The following COL6A1 variants were observed in gnomAD, a reference collection of about 807,000 sequenced individuals.
COL6A1 encodes the protein collagen type VI alpha 1 chain, also known as collagen alpha-1(VI) chain.
In COL6A1, 80 loss-of-function variants were observed where a neutral mutation model predicts 145.6. The observed-to-expected ratio is 0.55, with a 90% CI of 0.46 to 0.66. COL6A1 has a LOEUF of 0.66. Among genes scored for constraint, COL6A1 ranks in the 30% least tolerant of loss-of-function variants. The pLI, the probability that COL6A1 is intolerant of heterozygous loss-of-function variation, is 0.00. For missense variants in COL6A1, 1,364 were observed against 1,473.8 expected (o/e 0.93, Z 1.22); for synonymous variants, 638 against 622.8 (o/e 1.02, Z -0.36).
In COL6A1 at chr21:46,003,659, C is replaced by T. The variant is rs144585693; in HGVS notation, c.2733C>T (p.Asn911=). ...CCGTCGATGCCATGGACTTTATCAA[C>T]GACGCCACCGACGTCAACGATGCCC... ...ASAVDAMDFI[N]DATDVNDALG... Residue 911 remains asparagine, a synonymous_variant, in exon 35 of 35, where the codon AAC becomes AAT. Coordinates refer to ENST00000361866, the MANE Select transcript of COL6A1 (RefSeq NM_001848.3). 3.4e-5 allele frequency: 55 copies of T among 1,613,066 alleles called. No individual in the cohort carries two copies. The African/African-American group carries it at 5.2e-4, about 15-fold the overall frequency.
chr21:45,996,842 G>A (rs928666627), intron 20 of COL6A1, among the ~76,000 whole-genome samples: 3 of 152,218 alleles, frequency 2.0e-5, no homozygotes, highest in African/African-American at 7.2e-5. Context: ...TGAGATGTGG[G>A]GGACCCAAGG....
chr21:46,003,223 G>C, intron 34 of COL6A1, 74 bp downstream of exon 34: 1 of 1,609,612 alleles, frequency 6.2e-7, no homozygotes, highest in Admixed American at 1.7e-5. Flanking sequence ...AGAGGACGGG[G>C]CTCTGGGAGG....
chr21:45,982,069 C>T, intron 1 of COL6A1, 122 bp downstream of exon 1: 1 of 830,586 alleles, frequency 1.2e-6, no homozygotes, highest in Non-Finnish European at 2.0e-6. Context: ...GCCCCTGAAC[C>T]CCACTCCCCG....
At chr21:45,986,356 T>C (rs1603589909) in intron 3 of COL6A1, among the ~76,000 whole-genome samples, 170 bp from the exon 4 acceptor site, 1 of 152,236 alleles carries the variant, frequency 6.6e-6, no homozygotes, top group East Asian at 1.9e-4. Context: ...CCACAGGCGT[T>C]ATTTCCCATG....
chr21:46,002,002 C>A lies in COL6A1; in HGVS notation c.1998C>A (p.Ser666Arg), dbSNP rs770791922. 1.2e-6 allele frequency: 2 copies of A among 1,612,750 alleles called. No homozygotes were observed. Among genetic ancestry groups the A allele is most frequent in the Non-Finnish European group, 1.7e-6 (2 of 1,179,896 alleles). The change falls in exon 31 of 35, where the codon AGC (serine) becomes AGA (arginine). Residue 666 changes from serine (S) to arginine (R), a missense_variant. Around this residue, in one of 3 missense-constraint regions of COL6A1, gnomAD observed 938 missense variants for 1,003.8 expected, o/e 0.93. Transcript: ENST00000361866. The part of the protein sequence containing the change: ...GQSYAGVVQY[S>R]HSQMQEHVSL... ...CGTACGCGGGTGTGGTGCAGTACAG[C>A]CACAGCCAGATGCAGGAGCACGTGA...
chr21:46,000,227 C>T, intron 27 of COL6A1, 104 bp from the exon 28 acceptor site: 1 of 1,375,788 alleles, frequency 7.3e-7, no homozygotes, highest in Non-Finnish European at 1.0e-6. Flanking sequence ...CCAAACCCCG[C>T]CCTGTGGGGG....
intron 3 of COL6A1, among the ~76,000 whole-genome samples, chr21:45,986,275 C>G (rs527824726): frequency 6.6e-6 from 1 of 152,196 alleles, no homozygotes; most frequent in African/African-American, 2.4e-5. Flanking sequence ...AGGAACCGAG[C>G]CTCCTTTGGG....
At chr21:45,985,287 CAGAG>C (rs976428219) in intron 3 of COL6A1, among the ~76,000 whole-genome samples, 1 of 149,568 alleles carries the variant, frequency 6.7e-6, no homozygotes, top group East Asian at 2.0e-4. Context: ...GGGACAGAGA[CAGAG>C]AGATAGAGAC....
intron 12 of COL6A1, 28 bp from the exon 13 acceptor site, chr21:45,990,350 C>G (rs749814495): frequency 6.3e-7 from 1 of 1,598,534 alleles, no homozygotes; most frequent in Admixed American, 1.7e-5. Flanking sequence ...CTGCATCTGA[C>G]TCCTGCCTTC....
chr21:46,000,619 G>A, intron 28 of COL6A1, 140 bp from the exon 29 acceptor site: 2 of 1,398,780 alleles, frequency 1.4e-6, no homozygotes, highest in Middle Eastern at 2.4e-4. Flanking sequence ...GGGAGGCGGG[G>A]CAGGAGGCCG....
In COL6A1 at chr21:46,003,458, C is replaced by T. The variant is rs750298866; in HGVS notation, c.2532C>T (p.Asn844=). Residue 844 remains asparagine (N), a synonymous_variant, in exon 35 of 35, where the codon AAC becomes AAT. Transcript: ENST00000361866. ...GCTCCGCCAGCGTGGGCAGCCACAA[C>T]TTTGACACCACCAAGCGCTTCGCCA... is the stretch of plus-strand genomic sequence containing the variant. ...LDGSASVGSH[N]FDTTKRFAKR... The T allele has an allele frequency of 6.2e-7, 1 of 1,607,344 alleles. No homozygotes were observed. The highest frequency in any genetic ancestry group is 8.5e-7 in the Non-Finnish European group (1 of 1,179,732).
At chr21:46,000,395 T>A in intron 28 of COL6A1, 28 bp downstream of exon 28, 1 of 1,613,522 alleles carries the variant, frequency 6.2e-7, no homozygotes, top group Non-Finnish European at 8.5e-7. Flanking sequence ...GCCGTCCTCG[T>A]TAGGGAGAGC....
At chr21:45,990,060 G>A (rs7282375) in intron 11 of COL6A1, among the ~76,000 whole-genome samples, 198 bp from the exon 12 acceptor site, 1 of 9,648 alleles carries the variant, frequency 1.0e-4, no homozygotes, top group African/African-American at 3.4e-4. Context: ...TACCCTCTGC[G>A]GAGCCGGGGG....
rs150463888 is a variant in COL6A1, at chr21:45,991,639, G to A, written c.1120-371G>A. ...GACCCCACCCCAAACATTCCCAGAC[G>A]AGCTCCTAGAACCCAGCAGACGGTT... On this transcript the variant is annotated intron_variant, in intron 15 of 34. Transcript: ENST00000361866. 2.8e-3 allele frequency among the ~76,000 whole-genome samples: 429 copies of A among 152,286 alleles called. 2 individuals are homozygous for A. The highest frequency in any genetic ancestry group is 9.3e-3 in the African/African-American group (385 of 41,546).
In COL6A1 at chr21:46,003,495, G is replaced by A. The variant is rs570688674; in HGVS notation, c.2569G>A (p.Glu857Lys). The A allele has an allele frequency of 7.0e-5, 113 of 1,610,804 alleles. No homozygotes were observed. Among genetic ancestry groups the A allele is most frequent in the South Asian group, 3.5e-4 (32 of 91,004 alleles). The change falls in exon 35 of 35, where the codon GAG (glutamate) becomes AAG (lysine). Residue 857 changes from glutamate (E) to lysine (K), a missense_variant. Coordinates refer to ENST00000361866, the MANE Select transcript of COL6A1 (RefSeq NM_001848.3). Reference protein sequence around the residue: ...TTKRFAKRLAERFLTAGRTDP... With the variant: ...TTKRFAKRLAKRFLTAGRTDP... ...CAAGCGCTTCGCCAAGCGCCTGGCC[G>A]AGCGCTTCCTCACAGCGGGCAGGAC... is the stretch of plus-strand genomic sequence containing the variant.
In COL6A1 at chr21:45,998,935, A is replaced by G; in HGVS notation, c.1650A>G (p.Gly550=). 1.9e-6 allele frequency: 3 copies of G among 1,556,000 alleles called. No homozygotes were observed. Among genetic ancestry groups the G allele is most frequent in the Non-Finnish European group, 2.6e-6 (3 of 1,149,262 alleles). The stretch of plus-strand genomic sequence containing the variant: ...ACCCCGGCCTCAAGGGGGACGAGGG[A>G]GAAGCCGGGGACCCCGGAGACGATG... The part of the protein sequence containing the change: ...KGYPGLKGDE[G]EAGDPGDDNN... Residue 550 remains glycine, a synonymous_variant, in exon 25 of 35, where the codon GGA becomes GGG. Coordinates refer to ENST00000361866, the MANE Select transcript of COL6A1 (RefSeq NM_001848.3).
In COL6A1 at chr21:46,002,666, T is replaced by C. The variant is rs2077854135; in HGVS notation, c.2390T>C (p.Leu797Pro). 1.2e-6 allele frequency: 2 copies of C among 1,613,874 alleles called. No individual in the cohort carries two copies. Among genetic ancestry groups the C allele is most frequent in the East Asian group, 2.2e-5 (1 of 44,876 alleles). Residue 797 changes from leucine to proline, a missense_variant, in exon 33 of 35, where the codon CTG becomes CCG. Transcript: ENST00000361866. ...SLVKENYAEL[L>P]EDAFLKNVTA... ...GTCAAGGAGAACTATGCAGAGCTGC[T>C]GGAGGATGCCTTCCTGAAGAATGTC...
chr21:45,998,233 G>A, intron 23 of COL6A1, 62 bp downstream of exon 23: 2 of 1,594,860 alleles, frequency 1.3e-6, no homozygotes, highest in Non-Finnish European at 1.7e-6. Flanking sequence ...GCCCTCTTTA[G>A]TGGACTGGGC....
chr21:46,000,067 G>A, intron 27 of COL6A1, among the ~76,000 whole-genome samples: 5 of 151,152 alleles, frequency 3.3e-5, no homozygotes, highest in Admixed American at 6.6e-5. Context: ...AGGATCATGG[G>A]GGGACCTGTA....
Sources: gnomAD v4.1 joint callset for allele counts (sites outside exome capture counted in the v4.1 genomes callset) on GRCh38, gnomAD v4.1.1 for gene constraint, gnomAD v4.1.1 regional missense constraint, MANE v1.5 for transcripts, NCBI Gene and HGNC (gene_info 2026-07-23, HGNC 2026-07-21) for gene names.